IMPACT: variants seen among roughly 807,000 people sequenced by gnomAD.
IMPACT encodes impact RWD domain protein, also known as protein IMPACT.
In IMPACT, 35 loss-of-function variants were observed where a neutral mutation model predicts 47.5. The ratio of observed to expected loss-of-function variants is 0.74; its 90% CI spans 0.56 to 0.98. The LOEUF (loss-of-function observed/expected upper bound fraction) is 0.98, where lower values mean the gene tolerates loss of function less well. IMPACT is among the 50% of genes least tolerant of loss of function. IMPACT has a pLI of 0.00. For missense variants in IMPACT, 373 were observed against 394.8 expected (o/e 0.94, Z 0.47); for synonymous variants, 118 against 125.6 (o/e 0.94, Z 0.40).
At chr18:24,448,055 T>A (rs1170426930) in intron 8 of IMPACT, 38 bp from the exon 9 acceptor site, 1 of 1,165,596 alleles carries the variant, frequency 8.6e-7, no homozygotes, top group Non-Finnish European at 1.3e-6. Context: ...TTATAATATT[T>A]TAGTTTCAAA....
chr18:24,437,753 A>G (rs560783509), intron 4 of IMPACT, among the ~76,000 whole-genome samples: 1 of 152,302 alleles, frequency 6.6e-6, no homozygotes, highest in South Asian at 2.1e-4. Flanking sequence ...TTTGGAGTCA[A>G]CTGGAATTTT....
intron 6 of IMPACT, among the ~76,000 whole-genome samples, chr18:24,441,277 C>G (rs1047820909): frequency 2.6e-5 from 4 of 152,188 alleles, no homozygotes; most frequent in African/African-American, 7.2e-5. Flanking sequence ...TCAATGCAAC[C>G]TTGCCTCCCA....
At chr18:24,443,225 C>G (rs1909163703) in intron 7 of IMPACT, 73 bp downstream of exon 7, 2 of 646,074 alleles carry the variant, frequency 3.1e-6, no homozygotes, top group African/African-American at 1.9e-5. Context: ...CAATAATCCC[C>G]TTGTTTTTAC....
chr18:24,440,673 ATT>A, intron 6 of IMPACT, 55 bp downstream of exon 6: 1 of 1,423,328 alleles, frequency 7.0e-7, no homozygotes, highest in South Asian at 1.5e-5. Flanking sequence ...AGTATTATGT[ATT>A]GTTCTTTGAG....
intron 5 of IMPACT, among the ~76,000 whole-genome samples, chr18:24,439,249 G>A (rs12606783): frequency 0.58 from 87,482 of 151,918 alleles, 26,983 homozygotes; most frequent in South Asian, 0.7. Context: ...TGGGTATTGA[G>A]GCTGGGCACA....
At chr18:24,446,791 T>A (rs577033113) in intron 8 of IMPACT, among the ~76,000 whole-genome samples, 64 of 152,344 alleles carry the variant, frequency 4.2e-4, no homozygotes, top group Non-Finnish European at 7.9e-4. Flanking sequence ...TGGCCTTCAA[T>A]AGGAAAATGA....
chr18:24,433,401 T>G (rs1293953101), intron 4 of IMPACT, among the ~76,000 whole-genome samples: 4 of 144,462 alleles, frequency 2.8e-5, no homozygotes, highest in Non-Finnish European at 6.2e-5. Context: ...GGGTTTCACC[T>G]TGTTAGCCAG....
At chr18:24,435,259 T>A (rs1358713065) in intron 4 of IMPACT, 1 of 152,214 alleles carries the variant, frequency 6.6e-6, no homozygotes, top group Non-Finnish European at 1.5e-5. Context: ...CATATGCTAC[T>A]GTGCCCAGTC....
At chr18:24,433,658 T>G (rs1413386979) in intron 4 of IMPACT, among the ~76,000 whole-genome samples, 1 of 141,044 alleles carries the variant, frequency 7.1e-6, no homozygotes, top group Non-Finnish European at 1.5e-5. Flanking sequence ...AACTTTTGTG[T>G]GACAGCATTT....
At chr18:24,427,167 A>G in intron 1 of IMPACT, 2 of 207,298 alleles carry the variant, frequency 9.6e-6, no homozygotes, top group Non-Finnish European at 1.9e-5. Context: ...GCAATAGCCC[A>G]GACCCTGCAG....
chr18:24,433,107 C>T lies in IMPACT; in HGVS notation c.281+2723C>T, dbSNP rs116359189. Among the ~76,000 whole-genome samples the T allele has an allele frequency of 4.7e-3, 709 of 151,082 alleles. 4 individuals carry two copies. Among genetic ancestry groups the T allele is most frequent in the African/African-American group, 0.016 (642 of 41,208 alleles). On this transcript the variant is annotated intron_variant, in intron 4 of 10. Coordinates refer to ENST00000284202, the MANE Select transcript of IMPACT (RefSeq NM_018439.4). ...AATATGGGGTCTTGTTTATTTAATG[C>T]GCTCGAATAACCTTGGTCCAGTGGT...
Position 24,448,090 on chromosome 18 carries a change from C to G in IMPACT, c.669-3C>G. The G allele has an allele frequency of 6.3e-7, 1 of 1,584,830 alleles. No homozygotes were observed. Among genetic ancestry groups the G allele is most frequent in the Non-Finnish European group, 8.7e-7 (1 of 1,154,130 alleles). ...AGTGTAATACTCTTACATGTATTTG[C>G]AGAATATATTGTGAGGATAAACAGA... On this transcript the variant is annotated splice_polypyrimidine_tract_variant and splice_region_variant and intron_variant, in intron 8 of 10. Transcript: ENST00000284202.
At chr18:24,446,177 C>T (rs1242343489) in intron 8 of IMPACT, among the ~76,000 whole-genome samples, 3 of 152,082 alleles carry the variant, frequency 2.0e-5, no homozygotes, top group African/African-American at 4.8e-5. Context: ...ATCCTCCCAC[C>T]TCAGCCTCCC....
intron 4 of IMPACT, among the ~76,000 whole-genome samples, chr18:24,434,880 A>ATG (rs1467288328): frequency 2.1e-5 from 2 of 95,160 alleles, no homozygotes; most frequent in African/African-American, 1.1e-4. Flanking sequence ...GTGTATATAT[A>ATG]TGTGTATATA....
chr18:24,448,109 A>G lies in IMPACT; in HGVS notation c.685A>G (p.Lys229Glu). 1 of 1,611,730 alleles carries G rather than the reference A, an allele frequency of 6.2e-7. No homozygotes were observed. The highest frequency in any genetic ancestry group is 8.5e-7 in the Non-Finnish European group (1 of 1,177,900). Residue 229 changes from lysine (K) to glutamate (E), a missense_variant, in exon 9 of 11, where the codon AAA becomes GAA. Physicochemically the swap from Lys to Glu is moderately conservative, Grantham distance 56. Coordinates refer to ENST00000284202, the MANE Select transcript of IMPACT (RefSeq NM_018439.4). ...TATTTGCAGAATATATTGTGAGGATAAACAGACCTTCTTACAGGATTGTGA... is the reference window on the plus strand; with the variant it reads ...TATTTGCAGAATATATTGTGAGGATGAACAGACCTTCTTACAGGATTGTGA... ...IYAYRIYCED[K>E]QTFLQDCEDD...
chr18:24,442,679 A>G (rs544570349), intron 6 of IMPACT, among the ~76,000 whole-genome samples: 6 of 152,330 alleles, frequency 3.9e-5, no homozygotes, highest in Admixed American at 1.3e-4. Flanking sequence ...TAAATTTTAT[A>G]TTAGCAGCTA....
intron 6 of IMPACT, among the ~76,000 whole-genome samples, chr18:24,442,844 T>C (rs1909151481): frequency 6.6e-6 from 1 of 152,206 alleles, no homozygotes; most frequent in Non-Finnish European, 1.5e-5. Context: ...ATAAATCAAG[T>C]ATTTTAATCT....
intron 4 of IMPACT, among the ~76,000 whole-genome samples, chr18:24,433,355 G>A (rs1422042489): frequency 2.7e-5 from 4 of 146,838 alleles, no homozygotes; most frequent in Admixed American, 1.4e-4. Flanking sequence ...GCCCGCCACC[G>A]CGCCCGGCTA....
At chr18:24,433,866 T>G (rs1047533746) in intron 4 of IMPACT, among the ~76,000 whole-genome samples, 6 of 151,744 alleles carry the variant, frequency 4.0e-5, no homozygotes, top group African/African-American at 1.5e-4. Context: ...AGACGGGGTT[T>G]CAGCATTTTG....
Sources: allele counts gnomAD v4.1 joint callset (sites outside exome capture counted in the v4.1 genomes callset), GRCh38; gene constraint gnomAD v4.1.1; transcripts MANE v1.5; gene names NCBI Gene and HGNC (gene_info 2026-07-23, HGNC 2026-07-21).